The following BNC2 variants were observed in gnomAD, a reference collection of about 807,000 sequenced individuals.
BNC2 encodes the protein zinc finger protein basonuclin-2.
A neutral mutation model predicts 76.3 loss-of-function variants in BNC2; 20 were observed. That is an observed-to-expected ratio of 0.26 (90% CI 0.18 to 0.38). BNC2 has a LOEUF of 0.38. Among genes scored for constraint, BNC2 ranks in the 10% least tolerant of loss-of-function variants. The pLI is 1.00. For synonymous variants in BNC2, 582 were observed against 514.8 expected (o/e 1.13, Z -1.77); for missense variants, 1,382 against 1,399.8 (o/e 0.99, Z 0.20).
chr9:16,760,421 C>G (rs767829567), intron 1 of BNC2, among the ~76,000 whole-genome samples: 7 of 152,098 alleles, frequency 4.6e-5, no homozygotes, highest in Non-Finnish European at 8.8e-5. Flanking sequence ...AAGTTCAACC[C>G]TGCCAGACAA....
At chr9:16,754,995 T>A (rs567732835) in intron 1 of BNC2, among the ~76,000 whole-genome samples, 10 of 152,220 alleles carry the variant, frequency 6.6e-5, no homozygotes, top group African/African-American at 2.4e-4. Context: ...CCACTTCCAA[T>A]CCACACAAAG....
At chr9:16,561,616 A>G (rs1401649725) in intron 4 of BNC2, among the ~76,000 whole-genome samples, 1 of 152,192 alleles carries the variant, frequency 6.6e-6, no homozygotes, top group Admixed American at 6.5e-5. Flanking sequence ...TTTACAAAAT[A>G]AAGGTAGATA....
In BNC2 at chr9:16,468,038, C is replaced by CTTTTTTTTTTTT. The variant is rs1414982362; in HGVS notation, c.670-30515_670-30514insAAAAAAAAAAAA. Among the ~76,000 whole-genome samples, 8 of 146,244 alleles carry CTTTTTTTTTTTT rather than the reference C, an allele frequency of 5.5e-5. 1 individual carries two copies. The highest frequency in any genetic ancestry group is 2.1e-4 in the African/African-American group (8 of 38,610). ...AACTCCTAATCTCATTTCTTTCTTT[C>CTTTTTTTTTTTT]TCTTTTTTTTTTTTTTTTTTTGAGA... On this transcript the variant is annotated intron_variant, in intron 5 of 6. Transcript: ENST00000380672.
intron 5 of BNC2, among the ~76,000 whole-genome samples, chr9:16,548,968 C>T (rs1417996703): frequency 6.6e-6 from 1 of 152,208 alleles, no homozygotes; most frequent in Non-Finnish European, 1.5e-5. Flanking sequence ...TAGACACTCA[C>T]ATAGGTGAAA....
chr9:16,701,038 T>C (rs1823496396), intron 3 of BNC2, among the ~76,000 whole-genome samples: 1 of 152,142 alleles, frequency 6.6e-6, no homozygotes, highest in Non-Finnish European at 1.5e-5. Context: ...AAGTCCCAGA[T>C]GGGGAAACTG....
At chr9:16,543,937 ATTTT>A (rs1331765591) in intron 5 of BNC2, among the ~76,000 whole-genome samples, 1 of 152,156 alleles carries the variant, frequency 6.6e-6, no homozygotes, top group Non-Finnish European at 1.5e-5. Flanking sequence ...TGAATCATCT[ATTTT>A]TTGTATATCC....
At chr9:16,861,860 G>A (rs1407339157) in intron 1 of BNC2, among the ~76,000 whole-genome samples, 1 of 152,094 alleles carries the variant, frequency 6.6e-6, no homozygotes, top group East Asian at 1.9e-4. Flanking sequence ...ATGGTGGCGG[G>A]CGCCTGTAGT....
intron 5 of BNC2, among the ~76,000 whole-genome samples, chr9:16,548,600 T>C (rs1259840198): frequency 6.6e-6 from 1 of 152,118 alleles, no homozygotes; most frequent in East Asian, 1.9e-4. Flanking sequence ...AGACAGGGTT[T>C]CACCATATTG....
chr9:16,614,139 A>G (rs1005578036), intron 3 of BNC2, among the ~76,000 whole-genome samples: 3 of 152,226 alleles, frequency 2.0e-5, no homozygotes, highest in African/African-American at 7.2e-5. Flanking sequence ...AAACCCAAAA[A>G]TGTTAAATTT....
chr9:16,693,608 A>G (rs4961735), intron 3 of BNC2, among the ~76,000 whole-genome samples: 93,302 of 151,584 alleles, frequency 0.62, 31,894 homozygotes, highest in Non-Finnish European at 0.8. Flanking sequence ...GAACCATAAG[A>G]CAAAAGCTCT....
intron 3 of BNC2, among the ~76,000 whole-genome samples, chr9:16,611,164 G>T (rs1820535067): frequency 6.6e-6 from 1 of 152,148 alleles, no homozygotes; most frequent in Non-Finnish European, 1.5e-5. Flanking sequence ...CTGTGGTTGT[G>T]CTGAATTATG....
Position 16,413,351 on chromosome 9 carries a change from G to T in BNC2, c.*5638C>A, listed in dbSNP as rs896005783. 8.9e-6 allele frequency: 1 copy of T among 112,888 alleles called. No individual in the cohort carries two copies. Among genetic ancestry groups the T allele is most frequent in the African/African-American group, 5.2e-5 (1 of 19,048 alleles). 7.0% of individuals were successfully genotyped at this position (112,888 alleles called of 1,614,324 possible). The stretch of plus-strand genomic sequence containing the variant: ...TCCAATTCAGTGTACATGTAAAAAT[G>T]CTTAGTTTTTTTTTTTTTTTTAACC... On this transcript the variant is annotated 3_prime_UTR_variant, in exon 7 of 7. Transcript: ENST00000380672.
chr9:16,527,680 A>C (rs1413272124), intron 5 of BNC2, among the ~76,000 whole-genome samples: 1 of 152,200 alleles, frequency 6.6e-6, no homozygotes, highest in Non-Finnish European at 1.5e-5. Context: ...ACTACCTGGG[A>C]GACAGGTTGA....
intron 1 of BNC2, among the ~76,000 whole-genome samples, chr9:16,825,790 G>C (rs548659791): frequency 3.5e-4 from 53 of 152,076 alleles, no homozygotes; most frequent in Non-Finnish European, 5.9e-4. Flanking sequence ...TTTTTCATTA[G>C]AAATTATGAT....
At chr9:16,815,629 T>C (rs1390045337) in intron 1 of BNC2, among the ~76,000 whole-genome samples, 1 of 152,222 alleles carries the variant, frequency 6.6e-6, no homozygotes, top group African/African-American at 2.4e-5. Flanking sequence ...ATCCAACTAA[T>C]ACTCTGGTTA....
chr9:16,536,492 C>T (rs899159997), intron 5 of BNC2, among the ~76,000 whole-genome samples: 6 of 152,068 alleles, frequency 3.9e-5, no homozygotes, highest in Non-Finnish European at 8.8e-5. Context: ...ATTTAAGACT[C>T]ACAAAAACAC....
At chr9:16,423,187 C>A (rs561028657) in intron 6 of BNC2, among the ~76,000 whole-genome samples, 1 of 152,154 alleles carries the variant, frequency 6.6e-6, no homozygotes, top group East Asian at 1.9e-4. Flanking sequence ...TTTCTAGAAA[C>A]AGATTTAGTG....
At chr9:16,443,450 C>T (rs139676709) in intron 5 of BNC2, among the ~76,000 whole-genome samples, 1 of 152,174 alleles carries the variant, frequency 6.6e-6, no homozygotes, top group African/African-American at 2.4e-5. Context: ...GCAAGAGAAA[C>T]AGATTGGATA....
intron 3 of BNC2, chr9:16,726,698 C>T (rs1336092004): frequency 1.1e-4 from 17 of 152,016 alleles, no homozygotes; most frequent in Admixed American, 1.1e-3. Flanking sequence ...TAATATCAAA[C>T]TAACTTGCTT....
Sources: gnomAD v4.1 joint callset for allele counts (sites outside exome capture counted in the v4.1 genomes callset) on GRCh38, gnomAD v4.1.1 for gene constraint, MANE v1.5 for transcripts, NCBI Gene and HGNC (gene_info 2026-07-23, HGNC 2026-07-21) for gene names.